Variants in SWT1 observed in about 807,000 individuals in gnomAD.
SWT1 encodes the protein transcriptional protein SWT1.
SWT1 carries 33 observed loss-of-function variants against 107.3 expected under a neutral mutation model. The ratio of observed to expected loss-of-function variants is 0.31; its 90% CI spans 0.23 to 0.41. SWT1 has a LOEUF of 0.41. SWT1 is among the 10% of genes least tolerant of loss of function. SWT1 has a pLI of 1.00. For synonymous variants in SWT1, 345 were observed against 348.3 expected, an observed-to-expected ratio of 0.99 and a Z score of 0.11; for missense variants, 898 against 1,028.9, an observed-to-expected ratio of 0.87 and a Z score of 1.74.
rs938926179 is a variant in SWT1, at chr1:185,173,466, G to C, written c.225-906G>C. On this transcript the variant is annotated intron_variant, in intron 4 of 18. Coordinates refer to ENST00000367500, the MANE Select transcript of SWT1 (RefSeq NM_017673.7). ...CTCAGCACACTGGGGAGGCTAAGGTGGGCAGATTGCTTGAGCCCAGGAGTT... is the reference window on the plus strand; with the variant it reads ...CTCAGCACACTGGGGAGGCTAAGGTCGGCAGATTGCTTGAGCCCAGGAGTT... Among the ~76,000 whole-genome samples the C allele has an allele frequency of 4.0e-5, 6 of 151,424 alleles. No homozygotes were observed. In the East Asian group the frequency reaches 1.2e-3, roughly 29 times the overall value.
chr1:185,289,762 C>A (rs1665143801), intron 18 of SWT1, among the ~76,000 whole-genome samples: 1 of 152,120 alleles, frequency 6.6e-6, no homozygotes, highest in East Asian at 1.9e-4. Flanking sequence ...AAGACAGATA[C>A]CCACATGTTC....
At chr1:185,177,653 C>A (rs78399838) in intron 5 of SWT1, among the ~76,000 whole-genome samples, 5,397 of 152,096 alleles carry the variant, frequency 0.035, 307 homozygotes, top group African/African-American at 0.12. Context: ...TAATTATTTT[C>A]CTAAAATAAT....
chr1:185,247,215 A>G (rs1168175335), intron 16 of SWT1, among the ~76,000 whole-genome samples: 1 of 152,166 alleles, frequency 6.6e-6, no homozygotes, highest in East Asian at 1.9e-4. Context: ...AATAAGGTAC[A>G]CACCTCTCCT....
chr1:185,248,421 A>T (rs1276388996), intron 16 of SWT1, among the ~76,000 whole-genome samples: 3 of 152,226 alleles, frequency 2.0e-5, no homozygotes, highest in Non-Finnish European at 4.4e-5. Context: ...ATGCATTTTC[A>T]ACTTTATATT....
chr1:185,235,031 A>C (rs1660765779), intron 16 of SWT1, among the ~76,000 whole-genome samples: 1 of 152,226 alleles, frequency 6.6e-6, no homozygotes, highest in Non-Finnish European at 1.5e-5. Context: ...GAATCCCTGA[A>C]TAGACCAGTA....
intron 18 of SWT1, among the ~76,000 whole-genome samples, chr1:185,285,735 CTTCA>C (rs1427117165): frequency 6.6e-6 from 1 of 152,174 alleles, no homozygotes; most frequent in Non-Finnish European, 1.5e-5. Flanking sequence ...AGGGGTCCAG[CTTCA>C]TTCATGCATT....
Position 185,290,773 on chromosome 1 carries a change from G to A in SWT1, c.2673G>A (p.Trp891Ter). The A allele has an allele frequency of 1.2e-6, 2 of 1,611,214 alleles. No homozygotes were observed. Among genetic ancestry groups the A allele is most frequent in the Non-Finnish European group, 1.7e-6 (2 of 1,178,186 alleles). Residue 891 changes from tryptophan (W) to a stop codon, truncating the protein, a stop_gained, in exon 19 of 19, where the codon TGG becomes TGA. Coordinates refer to ENST00000367500, the MANE Select transcript of SWT1 (RefSeq NM_017673.7). LOFTEE classifies it high-confidence loss of function. ...SVYMEAKNRG[W>*]CEDMLNYRI The stretch of plus-strand genomic sequence containing the variant: ...ATATGGAGGCCAAAAACAGGGGATG[G>A]TGTGAAGACATGCTCAACTATAGGA...
chr1:185,185,116 A>G (rs1034189456), intron 9 of SWT1, among the ~76,000 whole-genome samples, 185 bp downstream of exon 9: 10 of 152,174 alleles, frequency 6.6e-5, no homozygotes, highest in African/African-American at 1.9e-4. Flanking sequence ...TGCTTCTCCT[A>G]GACGTTTTTA....
At position 185,221,952 on chromosome 1, in the gene SWT1, C is replaced by T. The variant is rs374079943; in HGVS notation, c.2225C>T (p.Ser742Leu). The T allele has an allele frequency of 2.0e-5, 33 of 1,612,138 alleles. 1 individual carries two copies. Among genetic ancestry groups the T allele is most frequent in the African/African-American group, 1.5e-4 (11 of 74,954 alleles). The change falls in exon 15 of 19, where the codon TCG becomes TTG. Residue 742 changes from serine (S) to leucine (L), a missense_variant. By Grantham distance (145) the Ser-to-Leu change is moderately radical. Around this residue, in one of 6 missense-constraint regions of SWT1, gnomAD observed 382 missense variants for 460.0 expected, o/e 0.83. Transcript: ENST00000367500. Reference sequence around the variant, plus strand: ...CATAATCAAGAAATCACTGTTTTCTCGAGTTCTCATCTTCCCCAACCCAGC... The same window carrying T: ...CATAATCAAGAAATCACTGTTTTCTTGAGTTCTCATCTTCCCCAACCCAGC... Reference protein sequence around the residue: ...NSHNQEITVFSSSHLPQPSRH... With the variant: ...NSHNQEITVFLSSHLPQPSRH...
intron 1 of SWT1, among the ~76,000 whole-genome samples, chr1:185,158,153 T>A (rs1264009068): frequency 1.3e-5 from 2 of 152,194 alleles, no homozygotes; most frequent in Non-Finnish European, 2.9e-5. Context: ...TTGGTCTATT[T>A]GTTTCCTACT....
chr1:185,245,009 G>A (rs541014491), intron 16 of SWT1, among the ~76,000 whole-genome samples: 1 of 152,246 alleles, frequency 6.6e-6, no homozygotes, highest in East Asian at 1.9e-4. Flanking sequence ...AGCCCCCCAC[G>A]AGTTCAAGGT....
At chr1:185,288,432 A>G (rs1393942566) in intron 18 of SWT1, among the ~76,000 whole-genome samples, 3 of 152,004 alleles carry the variant, frequency 2.0e-5, no homozygotes, top group African/African-American at 7.3e-5. Context: ...CATTATTCCA[A>G]ATATGGTACA....
rs879130055 is a variant in SWT1 at position 185,227,640 on chromosome 1, T to C, written c.2310-3937T>C. On this transcript the variant is annotated intron_variant, in intron 15 of 18. Coordinates refer to ENST00000367500, the MANE Select transcript of SWT1 (RefSeq NM_017673.7). The stretch of plus-strand genomic sequence containing the variant: ...TCATTTTTACCTTCTCGTCGTCTTC[T>C]ACATTTCACTTGGTATCTCTTAAAG... The C allele has an allele frequency of 3.4e-5, 20 of 584,730 alleles. 1 individual carries two copies. Among genetic ancestry groups the C allele is most frequent in the South Asian group, 3.0e-4 (20 of 67,756 alleles). The allele number at this position is 584,730 out of a possible 1,614,324, so 36.2% of individuals were successfully genotyped here.
intron 13 of SWT1, among the ~76,000 whole-genome samples, chr1:185,211,477 A>G (rs888904013): frequency 1.2e-4 from 19 of 152,204 alleles, no homozygotes; most frequent in African/African-American, 4.6e-4. Context: ...CAGTTGTAGA[A>G]GTTGTTTATT....
At chr1:185,272,190 C>T (rs947304671) in intron 17 of SWT1, among the ~76,000 whole-genome samples, 1 of 152,186 alleles carries the variant, frequency 6.6e-6, no homozygotes, top group African/African-American at 2.4e-5. Context: ...ATAGTGGCAG[C>T]ATAAACCCTG....
chr1:185,222,164 C>T, intron 15 of SWT1, 128 bp downstream of exon 15: 1 of 563,284 alleles, frequency 1.8e-6, no homozygotes, highest in Non-Finnish European at 2.8e-6. Context: ...ATAATCAAAT[C>T]AGGCTAGTGA....
At chr1:185,218,049 G>A (rs1282614489) in intron 14 of SWT1, among the ~76,000 whole-genome samples, 1 of 152,162 alleles carries the variant, frequency 6.6e-6, no homozygotes, top group African/African-American at 2.4e-5. Context: ...AAAAAGGTTG[G>A]GGACTGATGC....
intron 16 of SWT1, among the ~76,000 whole-genome samples, chr1:185,232,940 C>T (rs1348312996): frequency 6.6e-6 from 1 of 152,054 alleles, no homozygotes; most frequent in East Asian, 1.9e-4. Flanking sequence ...TAAAAAATTT[C>T]CCCAGGTAAT....
chr1:185,244,948 G>A (rs561717050), intron 16 of SWT1, among the ~76,000 whole-genome samples: 2 of 152,184 alleles, frequency 1.3e-5, no homozygotes, highest in South Asian at 4.1e-4. Flanking sequence ...GCATGGTGTT[G>A]TGTGTCTGTA....
Sources: gnomAD v4.1 joint callset for allele counts (sites outside exome capture counted in the v4.1 genomes callset) on GRCh38, gnomAD v4.1.1 for gene constraint, gnomAD v4.1.1 regional missense constraint, MANE v1.5 for transcripts, NCBI Gene and HGNC (gene_info 2026-07-23, HGNC 2026-07-21) for gene names.